PLEKHA2: variants seen among roughly 807,000 people sequenced by gnomAD.
PLEKHA2 encodes the protein pleckstrin homology domain-containing family A member 2.
Under a neutral mutation model 53.2 loss-of-function variants are expected in PLEKHA2, and 28 were observed. That is an observed-to-expected ratio of 0.53 (90% CI 0.39 to 0.72). The LOEUF is 0.72. PLEKHA2 is among the 30% of genes least tolerant of loss of function. PLEKHA2 has a pLI of 0.00. For missense variants in PLEKHA2, 426 were observed against 537.9 expected (o/e 0.79, Z 2.06); for synonymous variants, 193 against 196.4 (o/e 0.98, Z 0.14).
At chr8:38,968,511 A>G in intron 10 of PLEKHA2, 81 bp from the exon 11 acceptor site, 1 of 1,362,902 alleles carries the variant, frequency 7.3e-7, no homozygotes, top group Non-Finnish European at 1.0e-6. Flanking sequence ...TAATTTTATA[A>G]ACTTAATATT....
intron 1 of PLEKHA2, among the ~76,000 whole-genome samples, chr8:38,908,193 C>T (rs541207321): frequency 4.6e-5 from 7 of 152,052 alleles, no homozygotes; most frequent in East Asian, 1.9e-4. Context: ...TCTGTTGGCC[C>T]GAGGACCTGG....
At position 38,943,851 on chromosome 8, in the gene PLEKHA2, C is replaced by G. The variant is rs1564136176; in HGVS notation, c.247+14C>G. 1.3e-6 allele frequency: 2 copies of G among 1,569,276 alleles called. No individual in the cohort carries two copies. The highest frequency in any genetic ancestry group is 4.6e-5 in the East Asian group (2 of 43,282). On this transcript the variant is annotated intron_variant, in intron 4 of 11. Coordinates refer to ENST00000617275, the MANE Select transcript of PLEKHA2 (RefSeq NM_021623.2). The stretch of plus-strand genomic sequence containing the variant: ...CATTTTGCTTTGGTAAGTACTGAGC[C>G]AGGGGAGGGACTCATTTAATATTGA...
chr8:38,958,170 C>T (rs1295004184), intron 10 of PLEKHA2, among the ~76,000 whole-genome samples: 1 of 151,974 alleles, frequency 6.6e-6, no homozygotes, highest in Non-Finnish European at 1.5e-5. Context: ...TATAAAAATA[C>T]AAAAAAATTA....
At chr8:38,950,349 C>A (rs919563641) in intron 5 of PLEKHA2, among the ~76,000 whole-genome samples, 1 of 152,120 alleles carries the variant, frequency 6.6e-6, no homozygotes, top group Non-Finnish European at 1.5e-5. Flanking sequence ...CTCCTGCTTA[C>A]CCTCCAGGTT....
chr8:38,909,092 G>A (rs1428503221), intron 1 of PLEKHA2, among the ~76,000 whole-genome samples: 1 of 151,498 alleles, frequency 6.6e-6, no homozygotes, highest in Non-Finnish European at 1.5e-5. Flanking sequence ...GCAGTGAGCC[G>A]AGATGGCGCC....
At chr8:38,952,105 A>C (rs529463368) in intron 6 of PLEKHA2, 61 bp from the exon 7 acceptor site, 32 of 1,555,446 alleles carry the variant, frequency 2.1e-5, no homozygotes, top group Middle Eastern at 2.1e-4. Context: ...AGAGGGAGGT[A>C]GGTGGGGCTG....
intron 2 of PLEKHA2, among the ~76,000 whole-genome samples, chr8:38,931,028 A>G (rs1231882097): frequency 6.6e-6 from 1 of 152,216 alleles, no homozygotes; most frequent in Non-Finnish European, 1.5e-5. Flanking sequence ...CTGTAATTCC[A>G]GTACTTTGGG....
rs1430909947 is a variant in PLEKHA2, at chr8:38,956,867, T to C, written c.774-456T>C. On this transcript the variant is annotated intron_variant, in intron 9 of 11. Transcript: ENST00000617275. ...GGTCTGGGTTTCCTCATCTGTAAAA[T>C]GGGGGAAGTCTTAAGTGCCCCCCGG... Among the ~76,000 whole-genome samples, 6 of 152,228 alleles carry C rather than the reference T, an allele frequency of 3.9e-5. No individual in the cohort carries two copies. The East Asian group carries it at 1.2e-3, about 29-fold the overall frequency.
intron 2 of PLEKHA2, among the ~76,000 whole-genome samples, chr8:38,925,087 A>G (rs1258298258): frequency 2.0e-5 from 3 of 152,318 alleles, no homozygotes; most frequent in East Asian, 3.9e-4. Context: ...GCATGATACC[A>G]TATTGTTGAC....
At chr8:38,911,645 C>G (rs1180264444) in intron 1 of PLEKHA2, among the ~76,000 whole-genome samples, 2 of 152,200 alleles carry the variant, frequency 1.3e-5, no homozygotes, top group Non-Finnish European at 2.9e-5. Flanking sequence ...CGGTCACCCT[C>G]TACCCAATAT....
At chr8:38,923,014 A>G (rs1325444758) in intron 2 of PLEKHA2, among the ~76,000 whole-genome samples, 1 of 152,172 alleles carries the variant, frequency 6.6e-6, no homozygotes, top group Non-Finnish European at 1.5e-5. Flanking sequence ...GGCCTTTGCC[A>G]CCAGGAAGCT....
chr8:38,959,066 C>T (rs1486718577), intron 10 of PLEKHA2, among the ~76,000 whole-genome samples: 1 of 151,946 alleles, frequency 6.6e-6, no homozygotes, highest in East Asian at 1.9e-4. Flanking sequence ...GTGATCCTAG[C>T]AGGAAATGCA....
chr8:38,954,448 CA>C (rs1331393080), intron 9 of PLEKHA2, among the ~76,000 whole-genome samples: 2 of 152,086 alleles, frequency 1.3e-5, no homozygotes, highest in African/African-American at 4.8e-5. Context: ...GATGTGAGAC[CA>C]CCTGGGCACA....
intron 2 of PLEKHA2, among the ~76,000 whole-genome samples, chr8:38,930,661 TGGCAC>T (rs1211171507): frequency 7.7e-6 from 1 of 130,360 alleles, no homozygotes; most frequent in Admixed American, 7.4e-5. Context: ...TGGCATGGCA[TGGCAC>T]GGCATGGCAC....
chr8:38,970,679 A>G lies in PLEKHA2; in HGVS notation c.*896A>G. The stretch of plus-strand genomic sequence containing the variant: ...CCGGGCGTGGTGGTGCAGGCCTGTA[A>G]TCCCAGCTACTCAGAGGCTGAGGCA... On this transcript the variant is annotated 3_prime_UTR_variant, in exon 12 of 12. Coordinates refer to ENST00000617275, the MANE Select transcript of PLEKHA2 (RefSeq NM_021623.2). 6.4e-6 allele frequency: 1 copy of G among 155,078 alleles called. No homozygotes were observed. Among genetic ancestry groups the G allele is most frequent in the Non-Finnish European group, 1.4e-5 (1 of 69,464 alleles). 9.6% of individuals were successfully genotyped at this position (155,078 alleles called of 1,614,324 possible). A position where few individuals can be genotyped will look rare whatever the true frequency, so the allele number is the denominator to read the frequency against.
rs111233020 is a variant in PLEKHA2 at position 38,933,790 on chromosome 8, A to G, written c.142-2204A>G. On this transcript the variant is annotated intron_variant, in intron 2 of 11. Transcript: ENST00000617275. ...AATAGAGGTTTCCTAAAAAAAAAAA[A>G]AAAAGAAAAGAAAGAAAAGCAGTCG... 1.9e-3 allele frequency among the ~76,000 whole-genome samples: 176 copies of G among 90,552 alleles called. 6 individuals carry two copies. Among genetic ancestry groups the G allele is most frequent in the Admixed American group, 5.2e-3 (43 of 8,220 alleles). 59.4% of individuals were successfully genotyped at this position (90,552 alleles called of 152,430 possible).
chr8:38,948,784 A>G (rs1352158108), intron 5 of PLEKHA2, among the ~76,000 whole-genome samples: 2 of 152,118 alleles, frequency 1.3e-5, no homozygotes, highest in Non-Finnish European at 2.9e-5. Flanking sequence ...AGATAGATGT[A>G]GGGTGTTGCG....
chr8:38,960,552 A>G lies in PLEKHA2; in HGVS notation c.837+3166A>G, dbSNP rs376194721. Among the ~76,000 whole-genome samples the G allele has an allele frequency of 1.1e-3, 154 of 143,314 alleles. 1 individual carries two copies. Among genetic ancestry groups the G allele is most frequent in the African/African-American group, 3.6e-3 (147 of 40,956 alleles). The allele number at this position is 143,314 out of a possible 152,430, so 94.0% of individuals were successfully genotyped here. On this transcript the variant is annotated intron_variant, in intron 10 of 11. Transcript: ENST00000617275. ...ATAAAACAGATTTTGTGAAAAAAAC[A>G]TATTTCTAAAAAATAGCAAGAATAG...
At chr8:38,952,007 C>T (rs1275275968) in intron 6 of PLEKHA2, among the ~76,000 whole-genome samples, 159 bp from the exon 7 acceptor site, 1 of 152,192 alleles carries the variant, frequency 6.6e-6, no homozygotes, top group East Asian at 1.9e-4. Context: ...GCCTTGGCCT[C>T]CCAAAGTGTT....
Sources: allele counts gnomAD v4.1 joint callset (sites outside exome capture counted in the v4.1 genomes callset), GRCh38; gene constraint gnomAD v4.1.1; transcripts MANE v1.5; gene names NCBI Gene and HGNC (gene_info 2026-07-23, HGNC 2026-07-21).